The following C1orf21 variants were observed in gnomAD, a reference collection of about 807,000 sequenced individuals.
C1orf21 encodes uncharacterized protein C1orf21.
C1orf21 carries 3 observed loss-of-function variants against 18.7 expected under a neutral mutation model. The ratio of observed to expected loss-of-function variants is 0.16; its 90% confidence interval spans 0.07 to 0.42. The LOEUF is 0.42. Among genes scored for constraint, C1orf21 ranks in the 10% least tolerant of loss-of-function variants. The pLI, the probability that C1orf21 is intolerant of heterozygous loss-of-function variation, is 0.99. For synonymous variants in C1orf21, 41 were observed against 46.4 expected (o/e 0.88, Z 0.47); for missense variants, 104 against 143.6 (o/e 0.72, Z 1.41).
chr1:184,546,836 C>T lies in C1orf21; in HGVS notation c.189+39154C>T, dbSNP rs142887876. ...ATAAAGGACTGGAAAAAGTGTCCAGCTGGACAAAGCCCAGCACTAAGGTGC... is the reference window on the plus strand; with the variant it reads ...ATAAAGGACTGGAAAAAGTGTCCAGTTGGACAAAGCCCAGCACTAAGGTGC... On this transcript the variant is annotated intron_variant, in intron 3 of 5. Coordinates refer to ENST00000235307, the MANE Select transcript of C1orf21 (RefSeq NM_030806.4). 7.6e-3 allele frequency among the ~76,000 whole-genome samples: 1,150 copies of T among 152,290 alleles called. 6 individuals are homozygous for T. The highest frequency in any genetic ancestry group is 0.021 in the Middle Eastern group (6 of 292).
intron 1 of C1orf21, among the ~76,000 whole-genome samples, chr1:184,420,722 T>TA (rs1297652969): frequency 6.6e-6 from 1 of 152,140 alleles, no homozygotes; most frequent in Non-Finnish European, 1.5e-5. Flanking sequence ...CTGAAGTTGT[T>TA]AAAAAATAAG....
chr1:184,478,733 T>A (rs377707550), intron 2 of C1orf21, among the ~76,000 whole-genome samples: 3 of 152,240 alleles, frequency 2.0e-5, no homozygotes, highest in East Asian at 3.8e-4. Flanking sequence ...AAACAAAATT[T>A]CAATTAGTAC....
At position 184,555,880 on chromosome 1, in the gene C1orf21, A is replaced by T. The variant is rs937438224; in HGVS notation, c.190-34859A>T. 1.1e-4 allele frequency among the ~76,000 whole-genome samples: 17 copies of T among 152,328 alleles called. No homozygotes were observed. The East Asian group carries it at 1.9e-3, about 17-fold the overall frequency. ...CAATTACCTCTGCGAGGATCCGCCC[A>T]CTGGCCCTCCAGGCCATCTGGACAA... On this transcript the variant is annotated intron_variant, in intron 3 of 5. Coordinates refer to ENST00000235307, the MANE Select transcript of C1orf21 (RefSeq NM_030806.4).
rs2102014584 is a variant in C1orf21 at position 184,620,970 on chromosome 1, G to A, written c.*1414G>A. 1 of 151,762 alleles carries A rather than the reference G, an allele frequency of 6.6e-6. No homozygotes were observed. The highest frequency in any genetic ancestry group is 2.4e-5 in the African/African-American group (1 of 40,928). The allele number at this position is 151,762 out of a possible 1,614,324, so 9.4% of individuals were successfully genotyped here. A position where few individuals can be genotyped will look rare whatever the true frequency, so the allele number is the denominator to read the frequency against. On this transcript the variant is annotated 3_prime_UTR_variant, in exon 6 of 6. Transcript: ENST00000235307. Reference sequence around the variant, plus strand: ...TATTAAATGCCACGCCAGCAGTCCGGGTCTGGGTTTGTCCCACAAAATCAC... The same window carrying A: ...TATTAAATGCCACGCCAGCAGTCCGAGTCTGGGTTTGTCCCACAAAATCAC...
chr1:184,619,320 A>C (rs1434348346), intron 5 of C1orf21, among the ~76,000 whole-genome samples, 198 bp from the exon 6 acceptor site: 1 of 152,220 alleles, frequency 6.6e-6, no homozygotes, highest in African/African-American at 2.4e-5. Flanking sequence ...TAAAACTGTC[A>C]TGCCTTGAAG....
rs887917868 is a variant in C1orf21 at position 184,625,422 on chromosome 1, C to G, written c.*5866C>G. ...GCAAAGAAAGTTTTGCAATAGATTT[C>G]AAGCCAGTTTTTCCATTCAAACCAA... On this transcript the variant is annotated 3_prime_UTR_variant, in exon 6 of 6. Coordinates refer to ENST00000235307, the MANE Select transcript of C1orf21 (RefSeq NM_030806.4). 1 of 152,640 alleles carries G rather than the reference C, an allele frequency of 6.6e-6. No individual in the cohort carries two copies. Among genetic ancestry groups the G allele is most frequent in the African/African-American group, 2.4e-5 (1 of 41,466 alleles). The allele number at this position is 152,640 out of a possible 1,614,324, so 9.5% of individuals were successfully genotyped here.
At chr1:184,497,637 C>A (rs1657911953) in intron 2 of C1orf21, among the ~76,000 whole-genome samples, 1 of 152,136 alleles carries the variant, frequency 6.6e-6, no homozygotes. Flanking sequence ...TGTATTTTTC[C>A]ATTTTAAAAA....
chr1:184,535,241 A>G (rs1658534101), intron 3 of C1orf21, among the ~76,000 whole-genome samples: 1 of 152,088 alleles, frequency 6.6e-6, no homozygotes. Flanking sequence ...AGGAGCTTGG[A>G]AAGAGGGGTG....
intron 3 of C1orf21, among the ~76,000 whole-genome samples, chr1:184,549,283 T>A (rs912082607): frequency 7.9e-5 from 12 of 152,194 alleles, no homozygotes; most frequent in East Asian, 3.9e-4. Context: ...AGGGATGACT[T>A]CTTCTTCCTC....
intron 4 of C1orf21, among the ~76,000 whole-genome samples, chr1:184,595,400 T>A (rs994617503): frequency 7.2e-5 from 11 of 152,174 alleles, no homozygotes; most frequent in African/African-American, 2.7e-4. Flanking sequence ...TAGAATCAAG[T>A]CTTTATGCAG....
At chr1:184,437,027 C>T (rs1372085798) in intron 1 of C1orf21, among the ~76,000 whole-genome samples, 1 of 152,026 alleles carries the variant, frequency 6.6e-6, no homozygotes, top group African/African-American at 2.4e-5. Flanking sequence ...TGTTGACAAC[C>T]CAGGGCCTTT....
intron 3 of C1orf21, among the ~76,000 whole-genome samples, chr1:184,520,711 ATAATTGTACTTTATT>A: frequency 8.5e-6 from 1 of 117,130 alleles, no homozygotes; most frequent in African/African-American, 3.9e-5. Context: ...TGTACTTTAA[ATAATTGTACTTTATT>A]TAATTGTACT....
At chr1:184,592,898 A>G (rs1042037766) in intron 4 of C1orf21, among the ~76,000 whole-genome samples, 2 of 152,124 alleles carry the variant, frequency 1.3e-5, no homozygotes, top group Non-Finnish European at 2.9e-5. Context: ...GTTAAAATCC[A>G]CTTACCATTT....
intron 1 of C1orf21, among the ~76,000 whole-genome samples, chr1:184,457,743 T>A (rs929770143): frequency 2.0e-5 from 3 of 152,144 alleles, no homozygotes; most frequent in Admixed American, 6.5e-5. Context: ...GGCTGTAACA[T>A]AAATAAAGAG....
intron 3 of C1orf21, among the ~76,000 whole-genome samples, chr1:184,554,149 C>T (rs990137628): frequency 6.6e-6 from 1 of 152,142 alleles, no homozygotes; most frequent in African/African-American, 2.4e-5. Context: ...AGACTGTATA[C>T]CAATAATTTT....
At chr1:184,580,304 G>T (rs951717631) in intron 3 of C1orf21, among the ~76,000 whole-genome samples, 1 of 152,158 alleles carries the variant, frequency 6.6e-6, no homozygotes, top group Non-Finnish European at 1.5e-5. Flanking sequence ...TCAGGTTCTC[G>T]ATCTCACTTA....
intron 1 of C1orf21, among the ~76,000 whole-genome samples, chr1:184,466,185 G>A (rs1652469609): frequency 6.6e-6 from 1 of 152,224 alleles, no homozygotes; most frequent in Admixed American, 6.5e-5. Context: ...AACCGTATGT[G>A]TTCTTTAATA....
chr1:184,439,489 T>C (rs1446407414), intron 1 of C1orf21, among the ~76,000 whole-genome samples: 1 of 151,032 alleles, frequency 6.6e-6, no homozygotes, highest in Non-Finnish European at 1.5e-5. Flanking sequence ...TATAGGAGCC[T>C]TTTTAAATCT....
At chr1:184,508,399 A>G (rs1428717800) in intron 3 of C1orf21, among the ~76,000 whole-genome samples, 1 of 152,130 alleles carries the variant, frequency 6.6e-6, no homozygotes, top group Non-Finnish European at 1.5e-5. Flanking sequence ...TTTGTTGTTT[A>G]TATTTTATTT....
Sources: gnomAD v4.1 joint callset for allele counts (sites outside exome capture counted in the v4.1 genomes callset) on GRCh38, gnomAD v4.1.1 for gene constraint, MANE v1.5 for transcripts, NCBI Gene and HGNC (gene_info 2026-07-23, HGNC 2026-07-21) for gene names.